SLC26A5: variants seen among roughly 807,000 people sequenced by gnomAD.
SLC26A5 encodes the protein prestin.
A neutral mutation model predicts 81.0 loss-of-function variants in SLC26A5; 51 were observed. The observed-to-expected ratio is 0.63, with a 90% CI of 0.50 to 0.80. The LOEUF (loss-of-function observed/expected upper bound fraction) is 0.80, where lower values mean the gene tolerates loss of function less well. Ranked by LOEUF, SLC26A5 falls within the 30% of genes least tolerant of loss-of-function variation. SLC26A5 has a pLI of 0.00. For synonymous variants in SLC26A5, 325 were observed against 332.8 expected (o/e 0.98, Z 0.25); for missense variants, 771 against 905.8 (o/e 0.85, Z 1.91).
chr7:103,443,114 C>G lies in SLC26A5; in HGVS notation c.-85G>C, dbSNP rs1826998908. 1.3e-5 allele frequency: 2 copies of G among 152,258 alleles called. No homozygotes were observed. Among genetic ancestry groups the G allele is most frequent in the Admixed American group, 1.3e-4 (2 of 15,276 alleles). The allele number at this position is 152,258 out of a possible 1,614,324, so 9.4% of individuals were successfully genotyped here. A position where few individuals can be genotyped will look rare whatever the true frequency, so the allele number is the denominator to read the frequency against. ...CCAATGTGCAGCACAAAAGTCGGGA[C>G]AGGGGACAAGATCCCCCGCTGGGAG... On this transcript the variant is annotated 5_prime_UTR_variant, in exon 2 of 20. Coordinates refer to ENST00000306312, the MANE Select transcript of SLC26A5 (RefSeq NM_198999.3).
chr7:103,366,350 A>G (rs1005735353), intron 19 of SLC26A5, among the ~76,000 whole-genome samples: 1 of 152,196 alleles, frequency 6.6e-6, no homozygotes, highest in Non-Finnish European at 1.5e-5. Context: ...CACATTATAT[A>G]CCATTGTCAT....
intron 12 of SLC26A5, 97 bp downstream of exon 12, chr7:103,390,332 G>T: frequency 8.9e-7 from 1 of 1,128,594 alleles, no homozygotes; most frequent in Non-Finnish European, 1.3e-6. Flanking sequence ...GAGGGTTACA[G>T]TAAATAACCC....
chr7:103,445,258 AGGTCTCGGAGCTCACTGAGAAC>A (rs1827197404), intron 1 of SLC26A5: 1 of 152,196 alleles, frequency 6.6e-6, no homozygotes, highest in South Asian at 2.1e-4. Flanking sequence ...TTTCTTCTGT[AGGTCTCGGAGCTCACTGAGAAC>A]GTCCAGCACG....
chr7:103,436,249 T>C (rs1374334505), intron 2 of SLC26A5, among the ~76,000 whole-genome samples: 1 of 152,122 alleles, frequency 6.6e-6, no homozygotes, highest in African/African-American at 2.4e-5. Flanking sequence ...GTCTGAAAAT[T>C]CAGGAGACCC....
intron 2 of SLC26A5, chr7:103,433,405 G>T (rs1826218967): frequency 6.6e-6 from 1 of 152,184 alleles, no homozygotes; most frequent in African/African-American, 2.4e-5. Context: ...ATCTGAATGA[G>T]TCAGCTTCGC....
Position 103,410,474 on chromosome 7 carries a change from C to A in SLC26A5, c.646G>T (p.Ala216Ser), listed in dbSNP as rs745378351. The A allele has an allele frequency of 6.2e-7, 1 of 1,613,794 alleles. No individual in the cohort carries two copies. Among genetic ancestry groups the A allele is most frequent in the Non-Finnish European group, 8.5e-7 (1 of 1,179,902 alleles). ...TEPLVRGFTT[A>S]AAVHVFTSML... ...GAGGTGAAGACATGCACAGCTGCTG[C>A]GGTGGTAAACCCACGGACCAGAGGC... is the stretch of plus-strand genomic sequence containing the variant. The change falls in exon 7 of 20, where the codon GCA (alanine) becomes TCA (serine). Residue 216 changes from alanine (A) to serine (S), a missense_variant. Ala to Ser is a moderately conservative substitution (Grantham distance 99, BLOSUM62 1). Transcript: ENST00000306312.
chr7:103,389,535 C>T (rs1019582011), intron 12 of SLC26A5, 111 bp from the exon 13 acceptor site: 1 of 787,718 alleles, frequency 1.3e-6, no homozygotes, highest in East Asian at 2.6e-5. Context: ...CTACTCACTT[C>T]CTATATGGCA....
At chr7:103,400,394 C>G (rs929540711) in intron 8 of SLC26A5, among the ~76,000 whole-genome samples, 2 of 152,186 alleles carry the variant, frequency 1.3e-5, no homozygotes, top group African/African-American at 4.8e-5. Context: ...TGTTCATAGC[C>G]TTTGCCCACT....
intron 2 of SLC26A5, among the ~76,000 whole-genome samples, chr7:103,440,336 G>T (rs1826788428): frequency 6.6e-6 from 1 of 152,182 alleles, no homozygotes. Context: ...TTGCAAAATT[G>T]TAATGCTTTT....
chr7:103,398,348 C>T (rs1419144467), intron 8 of SLC26A5, among the ~76,000 whole-genome samples: 1 of 152,180 alleles, frequency 6.6e-6, no homozygotes, highest in Non-Finnish European at 1.5e-5. Flanking sequence ...AAATGAGTCT[C>T]TGGCCACAAT....
intron 2 of SLC26A5, among the ~76,000 whole-genome samples, chr7:103,424,955 T>C (rs1368598935): frequency 6.6e-6 from 1 of 152,208 alleles, no homozygotes; most frequent in Non-Finnish European, 1.5e-5. Flanking sequence ...CTCTTACCCA[T>C]GTATGTGGCA....
intron 14 of SLC26A5, 144 bp downstream of exon 14, chr7:103,388,864 A>AC: frequency 1.5e-6 from 1 of 685,332 alleles, no homozygotes; most frequent in Non-Finnish European, 2.7e-6. Context: ...TCAACAGGCT[A>AC]CATGAGTGTT....
chr7:103,389,409 T>C lies in SLC26A5; in HGVS notation c.1327A>G (p.Ile443Val), dbSNP rs567404774. The C allele has an allele frequency of 2.5e-6, 4 of 1,613,968 alleles. No individual in the cohort carries two copies. The African/African-American group carries it at 5.3e-5, about 22-fold the overall frequency. The change falls in exon 13 of 20, where the codon ATT (isoleucine) becomes GTT (valine). Residue 443 changes from isoleucine to valine, a missense_variant. Physicochemically the swap from Ile to Val is conservative, Grantham distance 29. Transcript: ENST00000306312. ...ESLPQAVLSA[I>V]VIVNLKGMFM... ...ATTCCCTTCAGGTTGACAATCACAATGGCCGACAGCACAGCCTGAAACAGA... is the reference window on the plus strand; with the variant it reads ...ATTCCCTTCAGGTTGACAATCACAACGGCCGACAGCACAGCCTGAAACAGA...
chr7:103,364,041 TC>T, intron 19 of SLC26A5: 2 of 1,100,528 alleles, frequency 1.8e-6, no homozygotes, highest in Non-Finnish European at 2.6e-6. Flanking sequence ...AGTATGGTTT[TC>T]AGGATAAAAT....
At chr7:103,408,532 GTTATTCTTATCAAACAA>G (rs571969726) in intron 7 of SLC26A5, among the ~76,000 whole-genome samples, 1 of 152,060 alleles carries the variant, frequency 6.6e-6, no homozygotes, top group South Asian at 2.1e-4. Context: ...CAGCCTTATA[GTTATTCTTATCAAACAA>G]TTATTCTTAT....
rs771378052 is a variant in SLC26A5 at position 103,391,600 on chromosome 7, T to C, written c.1233+22A>G. ...AATTACCACCCATATCATCAGGTCT[T>C]AGAGGCCTGTTATGTACATACCTGT... On this transcript the variant is annotated intron_variant, in intron 11 of 19. Transcript: ENST00000306312. 2.5e-6 allele frequency: 4 copies of C among 1,574,830 alleles called. No individual in the cohort carries two copies. The African/African-American group carries it at 4.0e-5, about 16-fold the overall frequency.
chr7:103,400,357 C>T (rs552903386), intron 8 of SLC26A5, among the ~76,000 whole-genome samples: 1 of 152,306 alleles, frequency 6.6e-6, no homozygotes, highest in Non-Finnish European at 1.5e-5. Context: ...TTGTTGGCTG[C>T]ATAAACGTCT....
intron 19 of SLC26A5, among the ~76,000 whole-genome samples, chr7:103,358,815 T>C (rs932807571): frequency 3.3e-5 from 5 of 152,152 alleles, no homozygotes; most frequent in Non-Finnish European, 5.9e-5. Flanking sequence ...AAACTTTTCA[T>C]ATAGATTTTT....
chr7:103,363,562 G>A (rs1820530978), intron 19 of SLC26A5: 2 of 842,928 alleles, frequency 2.4e-6, no homozygotes, highest in East Asian at 2.6e-5. Context: ...TTTTTTGAGA[G>A]GGTGGAGAGA....
Sources: gnomAD v4.1 joint callset for allele counts (sites outside exome capture counted in the v4.1 genomes callset) on GRCh38, gnomAD v4.1.1 for gene constraint, MANE v1.5 for transcripts, NCBI Gene and HGNC (gene_info 2026-07-23, HGNC 2026-07-21) for gene names.